PAPPA2: variants seen among roughly 807,000 people sequenced by gnomAD.
The protein encoded by PAPPA2 is pappalysin 2.
In PAPPA2, 86 loss-of-function variants were observed where a neutral mutation model predicts 176.4. The observed-to-expected ratio is 0.49, with a 90% CI of 0.41 to 0.58. PAPPA2 has a LOEUF of 0.58. Among genes scored for constraint, PAPPA2 ranks in the 20% least tolerant of loss-of-function variants. PAPPA2 has a pLI of 0.00. For missense variants in PAPPA2, 2,073 were observed against 2,256.9 expected, an observed-to-expected ratio of 0.92 and a Z score of 1.65; for synonymous variants, 809 against 852.2, an observed-to-expected ratio of 0.95 and a Z score of 0.88.
intron 21 of PAPPA2, among the ~76,000 whole-genome samples, chr1:176,816,152 GTATATA>G (rs373739173): frequency 0.071 from 3,006 of 42,206 alleles, 72 homozygotes; most frequent in South Asian, 0.08. Flanking sequence ...CTTTCACAGT[GTATATA>G]TATATATATA....
At chr1:176,591,085 G>GCACA (rs66535582) in intron 2 of PAPPA2, among the ~76,000 whole-genome samples, 3,569 of 142,312 alleles carry the variant, frequency 0.025, 60 homozygotes, top group Middle Eastern at 0.043. Flanking sequence ...TCACACACAT[G>GCACA]CACACACACA....
chr1:176,744,087 T>C (rs1436591866), intron 14 of PAPPA2, among the ~76,000 whole-genome samples: 1 of 152,196 alleles, frequency 6.6e-6, no homozygotes, highest in African/African-American at 2.4e-5. Context: ...TCTTTCATTT[T>C]TCCCTTGTAT....
intron 13 of PAPPA2, 23 bp downstream of exon 13, chr1:176,739,784 T>G: frequency 6.2e-7 from 1 of 1,611,672 alleles, no homozygotes; most frequent in Non-Finnish European, 8.5e-7. Flanking sequence ...AATATCCCTT[T>G]AGGGTCACTA....
At chr1:176,789,758 T>C (rs747143919) in intron 17 of PAPPA2, 51 bp from the exon 18 acceptor site, 5 of 1,550,960 alleles carry the variant, frequency 3.2e-6, no homozygotes, top group Non-Finnish European at 4.4e-6. Context: ...AAGTCTTTCA[T>C]GACCTTCTTG....
intron 21 of PAPPA2, among the ~76,000 whole-genome samples, chr1:176,828,655 C>T (rs996465373): frequency 9.9e-5 from 15 of 151,940 alleles, no homozygotes; most frequent in Admixed American, 9.2e-4. Flanking sequence ...CATACATATG[C>T]ACATGCATTG....
chr1:176,699,053 C>CT, intron 7 of PAPPA2, 47 bp from the exon 8 acceptor site: 5 of 1,557,850 alleles, frequency 3.2e-6, no homozygotes, highest in Non-Finnish European at 4.3e-6. Flanking sequence ...CATTTTCTGA[C>CT]TTTTAATGGC....
At chr1:176,541,264 G>T (rs1650350480) in intron 1 of PAPPA2, among the ~76,000 whole-genome samples, 3 of 152,204 alleles carry the variant, frequency 2.0e-5, no homozygotes. Flanking sequence ...GCTTCCACAT[G>T]ATTTCTCCAC....
At chr1:176,532,117 A>G (rs980308403) in intron 1 of PAPPA2, among the ~76,000 whole-genome samples, 4 of 152,204 alleles carry the variant, frequency 2.6e-5, no homozygotes, top group Non-Finnish European at 5.9e-5. Context: ...TTGAAAACAC[A>G]TAAGCACATT....
At chr1:176,632,294 C>T (rs1460978604) in intron 3 of PAPPA2, among the ~76,000 whole-genome samples, 1 of 151,000 alleles carries the variant, frequency 6.6e-6, no homozygotes, top group Non-Finnish European at 1.5e-5. Flanking sequence ...AGAAACAAGA[C>T]AAAATGCTGC....
chr1:176,632,231 G>A (rs961596022), intron 3 of PAPPA2, among the ~76,000 whole-genome samples: 5 of 102,398 alleles, frequency 4.9e-5, no homozygotes, highest in Non-Finnish European at 8.9e-5. Context: ...TAGTAGTGAT[G>A]TGTGTGTGTG....
chr1:176,565,055 T>C (rs952203199), intron 2 of PAPPA2, among the ~76,000 whole-genome samples: 8 of 152,350 alleles, frequency 5.3e-5, no homozygotes, highest in Middle Eastern at 6.8e-3. Flanking sequence ...GTATGATCTT[T>C]TGTGGCTGGC....
intron 1 of PAPPA2, among the ~76,000 whole-genome samples, chr1:176,523,063 C>T (rs1022320090): frequency 6.6e-6 from 1 of 152,106 alleles, no homozygotes; most frequent in Non-Finnish European, 1.5e-5. Flanking sequence ...TACATGTGCG[C>T]TTGCTTCTCT....
At chr1:176,602,771 G>T (rs936304098) in intron 3 of PAPPA2, among the ~76,000 whole-genome samples, 2 of 152,116 alleles carry the variant, frequency 1.3e-5, no homozygotes, top group African/African-American at 4.8e-5. Context: ...GAACTCTAGA[G>T]CAAGTGTCAC....
chr1:176,814,850 T>G (rs1666312295), intron 21 of PAPPA2, among the ~76,000 whole-genome samples: 1 of 152,226 alleles, frequency 6.6e-6, no homozygotes, highest in Non-Finnish European at 1.5e-5. Context: ...GAAGGCATCC[T>G]TGTCTTGTGC....
chr1:176,672,704 G>T (rs1279702229), intron 4 of PAPPA2, among the ~76,000 whole-genome samples: 1 of 152,146 alleles, frequency 6.6e-6, no homozygotes, highest in African/African-American at 2.4e-5. Context: ...ATATGCAAAT[G>T]TATATATACA....
chr1:176,795,492 A>G (rs954362541), intron 20 of PAPPA2, among the ~76,000 whole-genome samples: 1 of 152,190 alleles, frequency 6.6e-6, no homozygotes, highest in Non-Finnish European at 1.5e-5. Flanking sequence ...AGAGTGTTTT[A>G]CTGTATCTCA....
chr1:176,802,513 G>C (rs1470568310), intron 21 of PAPPA2, among the ~76,000 whole-genome samples: 1 of 152,168 alleles, frequency 6.6e-6, no homozygotes, highest in African/African-American at 2.4e-5. Context: ...AGGGAAAACA[G>C]ACTGGAGGCA....
intron 8 of PAPPA2, among the ~76,000 whole-genome samples, chr1:176,699,979 T>A (rs183566090): frequency 3.9e-5 from 6 of 152,288 alleles, no homozygotes; most frequent in Non-Finnish European, 5.9e-5. Context: ...TATAGTCAAT[T>A]CTTCTATTGC....
chr1:176,612,821 A>C (rs1363461276), intron 3 of PAPPA2, among the ~76,000 whole-genome samples: 38 of 152,210 alleles, frequency 2.5e-4, no homozygotes, highest in Non-Finnish European at 1.5e-5. Flanking sequence ...GAAGGGTTAA[A>C]ATAATTTTAT....
Sources: allele counts gnomAD v4.1 joint callset (sites outside exome capture counted in the v4.1 genomes callset), GRCh38; gene constraint gnomAD v4.1.1; transcripts MANE v1.5; gene names NCBI Gene and HGNC (gene_info 2026-07-23, HGNC 2026-07-21).